Variants in EFNA5 observed in about 807,000 individuals in gnomAD.
EFNA5 encodes the protein ephrin-A5.
In EFNA5, 5 loss-of-function variants were observed where a neutral mutation model predicts 22.9. The ratio of observed to expected loss-of-function variants is 0.22; its 90% confidence interval spans 0.11 to 0.46. The LOEUF (loss-of-function observed/expected upper bound fraction) is 0.46, where lower values mean the gene tolerates loss of function less well. Ranked by LOEUF, EFNA5 falls within the 20% of genes least tolerant of loss-of-function variation. EFNA5 has a pLI of 0.99. For synonymous variants in EFNA5, 113 were observed against 112.2 expected (o/e 1.01, Z -0.04); for missense variants, 237 against 293.3 (o/e 0.81, Z 1.40).
chr5:107,466,811 G>A (rs928226005), intron 1 of EFNA5, among the ~76,000 whole-genome samples: 2 of 152,144 alleles, frequency 1.3e-5, no homozygotes, highest in Non-Finnish European at 2.9e-5. Context: ...AGAAGCATTG[G>A]CATTTGACTC....
chr5:107,388,599 C>A (rs1747700607), intron 2 of EFNA5: 1 of 152,172 alleles, frequency 6.6e-6, no homozygotes, highest in South Asian at 2.1e-4. Context: ...ATTATCTCCC[C>A]TGTGTACACA....
At chr5:107,619,590 G>A (rs1312971053) in intron 1 of EFNA5, among the ~76,000 whole-genome samples, 1 of 151,666 alleles carries the variant, frequency 6.6e-6, no homozygotes, top group East Asian at 1.9e-4. Context: ...AGCCTCTCAA[G>A]TAGCTGGGAC....
At chr5:107,532,252 G>C (rs1346910690) in intron 1 of EFNA5, among the ~76,000 whole-genome samples, 3 of 152,218 alleles carry the variant, frequency 2.0e-5, no homozygotes, top group Non-Finnish European at 4.4e-5. Context: ...TTAGTGGAGA[G>C]CTTTGACTAA....
chr5:107,423,992 G>A (rs1236140613), intron 2 of EFNA5, among the ~76,000 whole-genome samples: 1 of 151,990 alleles, frequency 6.6e-6, no homozygotes, highest in Non-Finnish European at 1.5e-5. Flanking sequence ...TGAGGATAAG[G>A]CAAATGTTGA....
intron 1 of EFNA5, among the ~76,000 whole-genome samples, chr5:107,526,163 A>C (rs1005549736): frequency 1.3e-5 from 2 of 152,214 alleles, no homozygotes; most frequent in African/African-American, 4.8e-5. Context: ...GGATCCAGGA[A>C]GTTTTCTACT....
chr5:107,591,099 A>T (rs1018795821), intron 1 of EFNA5, among the ~76,000 whole-genome samples: 4 of 151,990 alleles, frequency 2.6e-5, no homozygotes, highest in African/African-American at 9.7e-5. Context: ...ACCCTGATCA[A>T]ATGTTTTCCA....
chr5:107,479,521 C>T (rs561746921), intron 1 of EFNA5, among the ~76,000 whole-genome samples: 5 of 151,938 alleles, frequency 3.3e-5, no homozygotes, highest in South Asian at 4.2e-4. Context: ...GATTTACTGT[C>T]GCTGTGGGTT....
At chr5:107,479,442 A>G (rs1750393237) in intron 1 of EFNA5, among the ~76,000 whole-genome samples, 1 of 151,150 alleles carries the variant, frequency 6.6e-6, no homozygotes, top group African/African-American at 2.5e-5. Flanking sequence ...ACTGACCTCA[A>G]TAAATGAAAA....
intron 1 of EFNA5, among the ~76,000 whole-genome samples, chr5:107,468,929 G>T (rs1424347863): frequency 6.6e-6 from 1 of 152,162 alleles, no homozygotes; most frequent in Non-Finnish European, 1.5e-5. Flanking sequence ...GTGTTGATAG[G>T]AGCACAGAAT....
At chr5:107,639,885 A>G (rs375572179) in intron 1 of EFNA5, among the ~76,000 whole-genome samples, 2 of 152,316 alleles carry the variant, frequency 1.3e-5, no homozygotes, top group African/African-American at 4.8e-5. Flanking sequence ...GTTTGATCCC[A>G]TAATCCTAAT....
intron 1 of EFNA5, among the ~76,000 whole-genome samples, chr5:107,571,852 T>G (rs1748815534): frequency 6.6e-6 from 1 of 152,110 alleles, no homozygotes; most frequent in Admixed American, 6.5e-5. Flanking sequence ...AAATGCTCAA[T>G]GAACACACTT....
intron 1 of EFNA5, among the ~76,000 whole-genome samples, chr5:107,473,548 A>G (rs2112388641): frequency 6.6e-6 from 1 of 152,274 alleles, no homozygotes; most frequent in South Asian, 2.1e-4. Flanking sequence ...AGGTAGCCTA[A>G]CACTCTACAA....
At chr5:107,449,946 C>G (rs1277091688) in intron 1 of EFNA5, among the ~76,000 whole-genome samples, 1 of 152,188 alleles carries the variant, frequency 6.6e-6, no homozygotes, top group African/African-American at 2.4e-5. Flanking sequence ...TCTTTTGTTT[C>G]TCTAACTTTC....
Position 107,670,603 on chromosome 5 carries a change from A to T in EFNA5, c.11T>A (p.Val4Glu), listed in dbSNP as rs1316921021. 2 of 1,601,224 alleles carry T rather than the reference A, an allele frequency of 1.2e-6. No individual in the cohort carries two copies. The highest frequency in any genetic ancestry group is 4.6e-5 in the East Asian group (2 of 43,822). ...CAGAAACACCAGCGTCAACATCTCC[A>T]CGTGCAACATCACGCCTGGCCAGCG... MLHVEMLTLVFLVL... is the reference protein window; with the variant it reads MLHEEMLTLVFLVL... The change falls in exon 1 of 5, where the codon GTG becomes GAG. Residue 4 changes from valine to glutamate, a missense_variant. By Grantham distance (121) the Val-to-Glu change is moderately radical (BLOSUM62 -2). Transcript: ENST00000333274.
Position 107,670,704 on chromosome 5 carries a change from A to G in EFNA5, c.-91T>C. On this transcript the variant is annotated 5_prime_UTR_variant, in exon 1 of 5. Coordinates refer to ENST00000333274, the MANE Select transcript of EFNA5 (RefSeq NM_001962.3). The stretch of plus-strand genomic sequence containing the variant: ...GGGAGGCAGGCAAAGGGACAGAGAG[A>G]GAGCGGGCGCCAAATAAATATGAAT... 1.3e-6 allele frequency: 2 copies of G among 1,505,742 alleles called. No individual in the cohort carries two copies. The highest frequency in any genetic ancestry group is 1.8e-6 in the Non-Finnish European group (2 of 1,126,590). 93.3% of individuals were successfully genotyped at this position (1,505,742 alleles called of 1,614,324 possible). A position where few individuals can be genotyped will look rare whatever the true frequency, so the allele number is the denominator to read the frequency against.
Position 107,580,635 on chromosome 5 carries a change from A to G in EFNA5, c.125+89854T>C, listed in dbSNP as rs1224294155. Among the ~76,000 whole-genome samples, 3 of 148,606 alleles carry G rather than the reference A, an allele frequency of 2.0e-5. No individual in the cohort carries two copies. The South Asian group carries it at 6.7e-4, about 33-fold the overall frequency. ...CTACTCAGGAGGCTAAGGCAGGAGA[A>G]TGGCGTGAACTCGGGAGGCGGAGCT... On this transcript the variant is annotated intron_variant, in intron 1 of 4. Transcript: ENST00000333274.
chr5:107,387,787 A>T lies in EFNA5; in HGVS notation c.419-16T>A. ...ATTGCAGAGGCTGTGGGTAACACAG[A>T]GAGAGAGCAGGAAAGAAAGAAGAGA... On this transcript the variant is annotated splice_polypyrimidine_tract_variant and intron_variant, in intron 2 of 4. Transcript: ENST00000333274. The T allele has an allele frequency of 6.3e-7, 1 of 1,576,350 alleles. No individual in the cohort carries two copies. Among genetic ancestry groups the T allele is most frequent in the Non-Finnish European group, 8.7e-7 (1 of 1,150,446 alleles).
At chr5:107,647,914 C>T (rs377350746) in intron 1 of EFNA5, among the ~76,000 whole-genome samples, 1 of 152,084 alleles carries the variant, frequency 6.6e-6, no homozygotes, top group East Asian at 1.9e-4. Flanking sequence ...CAGGCAACTC[C>T]AATAAATGAG....
chr5:107,489,260 G>C (rs1025324240), intron 1 of EFNA5, among the ~76,000 whole-genome samples: 6 of 152,044 alleles, frequency 3.9e-5, no homozygotes, highest in Admixed American at 3.9e-4. Flanking sequence ...TGCAACCGCC[G>C]CCTTCCAGGT....
Sources: gnomAD v4.1 joint callset for allele counts (sites outside exome capture counted in the v4.1 genomes callset) on GRCh38, gnomAD v4.1.1 for gene constraint, MANE v1.5 for transcripts, NCBI Gene and HGNC (gene_info 2026-07-23, HGNC 2026-07-21) for gene names.